The following LEPR variants were observed in gnomAD, a reference collection of about 807,000 sequenced individuals.
The protein encoded by LEPR is leptin receptor.
LEPR carries 56 observed loss-of-function variants against 114.7 expected under a neutral mutation model. The ratio of observed to expected loss-of-function variants is 0.49; its 90% CI spans 0.39 to 0.61. The LOEUF is 0.61. LEPR is among the 20% of genes least tolerant of loss of function. The pLI, the probability that LEPR is intolerant of heterozygous loss-of-function variation, is 0.00. For synonymous variants in LEPR, 443 were observed against 461.4 expected (o/e 0.96, Z 0.51); for missense variants, 1,202 against 1,352.9 (o/e 0.89, Z 1.75).
intron 2 of LEPR, among the ~76,000 whole-genome samples, chr1:65,452,211 C>A (rs906234028): frequency 5.9e-5 from 9 of 152,134 alleles, no homozygotes; most frequent in African/African-American, 1.7e-4. Context: ...ATATACAATC[C>A]TGTCGTCTGC....
Position 65,565,624 on chromosome 1 carries a change from TG to T in LEPR, c.40+20del. On this transcript the variant is annotated intron_variant, in intron 3 of 19. Transcript: ENST00000349533. Reference sequence around the variant, plus strand: ...CATTGGGGTAAGTTATTTGCTCATTTGCTGTTTTAATGCCCTTAAACATGGT... The same window carrying T: ...CATTGGGGTAAGTTATTTGCTCATTTCTGTTTTAATGCCCTTAAACATGGT... 1 of 1,613,902 alleles carries T rather than the reference TG, an allele frequency of 6.2e-7. No homozygotes were observed. The highest frequency in any genetic ancestry group is 8.5e-7 in the Non-Finnish European group (1 of 1,179,882).
intron 14 of LEPR, among the ~76,000 whole-genome samples, chr1:65,614,593 G>A (rs566740345): frequency 1.4e-4 from 22 of 152,310 alleles, no homozygotes; most frequent in Admixed American, 1.4e-3. Flanking sequence ...TACTCTGGAA[G>A]GGGACAAGCA....
chr1:65,526,327 G>A, intron 2 of LEPR: 1 of 985,368 alleles, frequency 1.0e-6, no homozygotes. Context: ...AACAACAACA[G>A]TAGCAGCATC....
chr1:65,574,620 G>A (rs1402487757), intron 5 of LEPR, among the ~76,000 whole-genome samples: 1 of 152,140 alleles, frequency 6.6e-6, no homozygotes, highest in Non-Finnish European at 1.5e-5. Context: ...ATGTTTAACA[G>A]TTGTTCTACC....
chr1:65,530,011 A>G (rs1297236932), intron 2 of LEPR, among the ~76,000 whole-genome samples: 7 of 152,150 alleles, frequency 4.6e-5, no homozygotes, highest in Non-Finnish European at 1.0e-4. Flanking sequence ...GTGATAGCTC[A>G]AGCCTTGACT....
intron 5 of LEPR, among the ~76,000 whole-genome samples, chr1:65,588,179 C>A (rs1655445838): frequency 6.6e-6 from 1 of 152,016 alleles, no homozygotes; most frequent in African/African-American, 2.4e-5. Flanking sequence ...AAGACTTAGA[C>A]TCCCTAAAGG....
intron 2 of LEPR, among the ~76,000 whole-genome samples, chr1:65,454,230 G>GTT (rs1557600124): frequency 2.0e-5 from 3 of 152,092 alleles, no homozygotes; most frequent in African/African-American, 7.2e-5. Flanking sequence ...TCTTGACTCC[G>GTT]TATCCAATTT....
chr1:65,468,730 T>A (rs1417304720), intron 2 of LEPR, among the ~76,000 whole-genome samples: 1 of 152,200 alleles, frequency 6.6e-6, no homozygotes, highest in East Asian at 1.9e-4. Flanking sequence ...GAGAGTAAGG[T>A]TCAACAGTTC....
chr1:65,548,897 C>A (rs534058957), intron 2 of LEPR, among the ~76,000 whole-genome samples: 1 of 152,286 alleles, frequency 6.6e-6, no homozygotes, highest in Non-Finnish European at 1.5e-5. Flanking sequence ...CAGTTTCTTC[C>A]TAGCCTCGAA....
intron 2 of LEPR, among the ~76,000 whole-genome samples, chr1:65,481,925 G>T (rs1647253630): frequency 6.6e-6 from 1 of 151,298 alleles, no homozygotes; most frequent in South Asian, 2.1e-4. Context: ...TAGCATTTTA[G>T]AAATTTTATA....
chr1:65,616,340 C>T, intron 15 of LEPR, 116 bp downstream of exon 15: 1 of 1,069,484 alleles, frequency 9.4e-7, no homozygotes, highest in Non-Finnish European at 1.4e-6. Flanking sequence ...CTGAAAGTCT[C>T]TCTTTCACCT....
At chr1:65,432,565 TTAA>T in intron 2 of LEPR, 1 of 767,766 alleles carries the variant, frequency 1.3e-6, no homozygotes, top group Non-Finnish European at 1.6e-6. Context: ...GCTCATTTGT[TTAA>T]AAAAAAAAAA....
intron 2 of LEPR, among the ~76,000 whole-genome samples, chr1:65,440,200 C>T (rs1646631575): frequency 6.6e-6 from 1 of 151,914 alleles, no homozygotes; most frequent in African/African-American, 2.4e-5. Context: ...TAGGTCTACT[C>T]TTTCGATTCT....
chr1:65,518,905 CTT>C (rs1454675980), intron 2 of LEPR, among the ~76,000 whole-genome samples: 19 of 90,500 alleles, frequency 2.1e-4, no homozygotes, highest in South Asian at 3.4e-4. Flanking sequence ...TTCTTTCTTT[CTT>C]TCTTTCTTTC....
intron 2 of LEPR, among the ~76,000 whole-genome samples, chr1:65,547,074 T>C (rs2100693556): frequency 6.6e-6 from 1 of 152,110 alleles, no homozygotes; most frequent in East Asian, 1.9e-4. Flanking sequence ...TCATGTGGTT[T>C]TTGTCTTTGG....
At chr1:65,482,208 A>T (rs1313504932) in intron 2 of LEPR, among the ~76,000 whole-genome samples, 1 of 152,098 alleles carries the variant, frequency 6.6e-6, no homozygotes, top group Non-Finnish European at 1.5e-5. Flanking sequence ...ATTAAAAGAT[A>T]TTAAAAATAC....
chr1:65,569,707 TA>T (rs199787348), intron 3 of LEPR, among the ~76,000 whole-genome samples: 10,589 of 91,398 alleles, frequency 0.12, 419 homozygotes, highest in African/African-American at 0.14. Context: ...AATTCCATCT[TA>T]AAAAAAAAAA....
intron 2 of LEPR, among the ~76,000 whole-genome samples, chr1:65,504,648 T>C (rs1648631528): frequency 6.6e-6 from 1 of 152,198 alleles, no homozygotes; most frequent in South Asian, 2.1e-4. Flanking sequence ...AAGAGCAGTC[T>C]ACGGTGGCAT....
At chr1:65,547,722 C>T (rs1278101191) in intron 2 of LEPR, among the ~76,000 whole-genome samples, 60 of 146,132 alleles carry the variant, frequency 4.1e-4, no homozygotes, top group South Asian at 4.5e-4. Flanking sequence ...GTCTTGCTAG[C>T]GGTCTATCAA....
Sources: allele counts gnomAD v4.1 joint callset (sites outside exome capture counted in the v4.1 genomes callset), GRCh38; gene constraint gnomAD v4.1.1; transcripts MANE v1.5; gene names NCBI Gene and HGNC (gene_info 2026-07-23, HGNC 2026-07-21).